DLG2: variants seen among roughly 807,000 people sequenced by gnomAD.
The protein encoded by DLG2 is discs large MAGUK scaffold protein 2, also known as disks large homolog 2.
In DLG2, 45 loss-of-function variants were observed where a neutral mutation model predicts 132.5. The observed-to-expected ratio is 0.34, with a 90% CI of 0.27 to 0.44. DLG2 has a LOEUF of 0.44. Among genes scored for constraint, DLG2 ranks in the 20% least tolerant of loss-of-function variants. DLG2 has a pLI of 1.00. For synonymous variants in DLG2, 424 were observed against 419.6 expected (o/e 1.01, Z -0.13); for missense variants, 1,045 against 1,196.9 (o/e 0.87, Z 1.87).
At chr11:83,657,416 C>G (rs1327277367) in intron 18 of DLG2, among the ~76,000 whole-genome samples, 6 of 152,062 alleles carry the variant, frequency 3.9e-5, no homozygotes, top group Non-Finnish European at 7.3e-5. Context: ...TCCCCAAGCT[C>G]ACACCATGGT....
chr11:83,967,230 A>T (rs974408780), intron 12 of DLG2, among the ~76,000 whole-genome samples: 2 of 152,114 alleles, frequency 1.3e-5, no homozygotes, highest in East Asian at 1.9e-4. Context: ...TGGTGATTTC[A>T]TCTTCTCTGG....
At chr11:84,208,308 G>A (rs1391439255) in intron 8 of DLG2, among the ~76,000 whole-genome samples, 4 of 151,684 alleles carry the variant, frequency 2.6e-5, no homozygotes, top group African/African-American at 9.7e-5. Flanking sequence ...GTGTTTCTGT[G>A]GGCCATGGTC....
chr11:84,638,727 A>T (rs1165297852), intron 6 of DLG2, among the ~76,000 whole-genome samples: 1 of 152,184 alleles, frequency 6.6e-6, no homozygotes, highest in African/African-American at 2.4e-5. Context: ...ATAACTCACC[A>T]TGGGACTTAA....
chr11:84,823,644 C>T (rs889018983), intron 6 of DLG2, among the ~76,000 whole-genome samples: 29 of 150,064 alleles, frequency 1.9e-4, no homozygotes, highest in Admixed American at 1.2e-3. Context: ...ATTCCCCTGC[C>T]GAGCCCAGTT....
chr11:83,858,772 T>C (rs1270553606), intron 16 of DLG2, among the ~76,000 whole-genome samples: 3 of 152,218 alleles, frequency 2.0e-5, no homozygotes, highest in Admixed American at 6.5e-5. Context: ...TGATCTTTGA[T>C]AGCCATGGTT....
At chr11:83,507,600 GATAT>G (rs1384060789) in intron 21 of DLG2, among the ~76,000 whole-genome samples, 3 of 144,006 alleles carry the variant, frequency 2.1e-5, no homozygotes, top group South Asian at 2.2e-4. Flanking sequence ...ATATCTATAG[GATAT>G]ATAGATATAT....
intron 11 of DLG2, among the ~76,000 whole-genome samples, chr11:84,018,030 C>A (rs993418894): frequency 6.6e-6 from 1 of 151,746 alleles, no homozygotes; most frequent in Non-Finnish European, 1.5e-5. Context: ...TAGTAGTTTG[C>A]TTTATTTGTT....
chr11:83,487,833 C>T (rs957092946), intron 21 of DLG2, among the ~76,000 whole-genome samples: 1 of 151,858 alleles, frequency 6.6e-6, no homozygotes, highest in Admixed American at 6.6e-5. Flanking sequence ...TGTGACAGGC[C>T]ATGAACGGCA....
chr11:85,323,439 A>G (rs373134476), intron 3 of DLG2, among the ~76,000 whole-genome samples: 6 of 152,334 alleles, frequency 3.9e-5, no homozygotes, highest in African/African-American at 1.4e-4. Context: ...AGAGTGTGCA[A>G]TGATCAAATA....
At chr11:84,521,385 C>A (rs529515200) in intron 7 of DLG2, among the ~76,000 whole-genome samples, 1 of 152,198 alleles carries the variant, frequency 6.6e-6, no homozygotes, top group Admixed American at 6.5e-5. Context: ...GAATCCAAGA[C>A]CCGGATTCCT....
chr11:85,497,689 G>T (rs2093699149), intron 3 of DLG2, among the ~76,000 whole-genome samples: 1 of 152,052 alleles, frequency 6.6e-6, no homozygotes, highest in East Asian at 1.9e-4. Context: ...GAAAGGTCAG[G>T]TTACCCACAA....
chr11:83,874,084 GA>G (rs1165631804), intron 16 of DLG2, among the ~76,000 whole-genome samples: 1 of 151,172 alleles, frequency 6.6e-6, no homozygotes, highest in East Asian at 1.9e-4. Flanking sequence ...CTGATTGAAA[GA>G]AAAAAAGAGA....
At chr11:84,526,902 C>T (rs1048548045) in intron 7 of DLG2, among the ~76,000 whole-genome samples, 4 of 151,820 alleles carry the variant, frequency 2.6e-5, no homozygotes, top group African/African-American at 9.7e-5. Flanking sequence ...CCTCAGCCTC[C>T]CGAGTAGCTG....
chr11:84,574,822 C>G (rs2099495281), intron 6 of DLG2, among the ~76,000 whole-genome samples: 1 of 152,152 alleles, frequency 6.6e-6, no homozygotes, highest in African/African-American at 2.4e-5. Context: ...ACTGGAACCA[C>G]CATCTCCACA....
chr11:84,955,514 T>C (rs1168555541), intron 6 of DLG2: 1 of 152,124 alleles, frequency 6.6e-6, no homozygotes, highest in Non-Finnish European at 1.5e-5. Context: ...ATTTTAGACT[T>C]CATGCAACAT....
intron 9 of DLG2, among the ~76,000 whole-genome samples, chr11:84,156,939 A>G (rs902722850): frequency 2.0e-5 from 3 of 152,164 alleles, no homozygotes; most frequent in African/African-American, 7.2e-5. Context: ...TTTATCTCAC[A>G]TTGTTGATCT....
chr11:83,746,420 C>G (rs2092915349), intron 18 of DLG2, among the ~76,000 whole-genome samples: 1 of 152,164 alleles, frequency 6.6e-6, no homozygotes, highest in Non-Finnish European at 1.5e-5. Flanking sequence ...AGTTCATGTC[C>G]TTTGTAGGGA....
At chr11:85,383,485 A>G (rs1285049193) in intron 3 of DLG2, among the ~76,000 whole-genome samples, 1 of 152,182 alleles carries the variant, frequency 6.6e-6, no homozygotes, top group Non-Finnish European at 1.5e-5. Flanking sequence ...CAATAAAGCT[A>G]CTAGTAAGAA....
chr11:85,064,355 A>G (rs1398050221), intron 6 of DLG2, among the ~76,000 whole-genome samples: 1 of 151,814 alleles, frequency 6.6e-6, no homozygotes, highest in South Asian at 2.1e-4. Context: ...ACATTTGCCT[A>G]TATATAAAAT....
Sources: allele counts gnomAD v4.1 joint callset (sites outside exome capture counted in the v4.1 genomes callset), GRCh38; gene constraint gnomAD v4.1.1; transcripts MANE v1.5; gene names NCBI Gene and HGNC (gene_info 2026-07-23, HGNC 2026-07-21).